Variants in RAB27B observed in about 807,000 individuals in gnomAD.
The protein encoded by RAB27B is ras-related protein Rab-27B.
A neutral mutation model predicts 24.6 loss-of-function variants in RAB27B; 15 were observed. That is an observed-to-expected ratio of 0.61 (90% confidence interval 0.41 to 0.94). RAB27B has a LOEUF of 0.94. RAB27B is among the 40% of genes least tolerant of loss of function. The pLI is 0.00. For missense variants in RAB27B, 261 were observed against 266.8 expected (o/e 0.98, Z 0.15); for synonymous variants, 105 against 92.5 (o/e 1.14, Z -0.78).
At chr18:54,803,487 G>T (rs757801892) in intron 2 of RAB27B, among the ~76,000 whole-genome samples, 32 of 152,200 alleles carry the variant, frequency 2.1e-4, no homozygotes, top group African/African-American at 6.5e-4. Flanking sequence ...TCAGTAGACA[G>T]TAGAGGTTTC....
At chr18:54,750,227 G>A (rs1028750524) in intron 2 of RAB27B, among the ~76,000 whole-genome samples, 4 of 152,000 alleles carry the variant, frequency 2.6e-5, no homozygotes, top group African/African-American at 4.8e-5. Flanking sequence ...ATGATCCAGC[G>A]CTAGAATATT....
intron 1 of RAB27B, among the ~76,000 whole-genome samples, chr18:54,832,841 A>G (rs908922209): frequency 2.6e-5 from 4 of 152,162 alleles, no homozygotes; most frequent in Non-Finnish European, 1.5e-5. Flanking sequence ...GTGTGGAATC[A>G]TTGGCAGCTC....
intron 2 of RAB27B, among the ~76,000 whole-genome samples, chr18:54,782,849 A>C (rs1908957865): frequency 6.6e-6 from 1 of 152,240 alleles, no homozygotes; most frequent in African/African-American, 2.4e-5. Flanking sequence ...TGAAGATGTA[A>C]ACATAAAGTA....
rs573920072 is a variant in RAB27B, at chr18:54,735,434, C to T, written c.-20+17293C>T. ...AAATTTATCTGGGACAGAGCTGTGC[C>T]TATCTAGACGATGCATGGGTGACCA... On this transcript the variant is annotated intron_variant, in intron 2 of 4. Transcript: ENST00000586570. Among the ~76,000 whole-genome samples, 3 of 152,306 alleles carry T rather than the reference C, an allele frequency of 2.0e-5. No individual in the cohort carries two copies. The East Asian group carries it at 5.8e-4, about 29-fold the overall frequency.
At chr18:54,737,863 C>T (rs1007997935) in intron 2 of RAB27B, among the ~76,000 whole-genome samples, 3 of 152,156 alleles carry the variant, frequency 2.0e-5, no homozygotes, top group African/African-American at 7.2e-5. Flanking sequence ...ATAATATGTT[C>T]AACTTTTATC....
chr18:54,866,887 T>C (rs570540632), intron 1 of RAB27B, among the ~76,000 whole-genome samples: 2 of 152,182 alleles, frequency 1.3e-5, no homozygotes, highest in Admixed American at 1.3e-4. Context: ...GGGAAACAAG[T>C]TCAAAGGTTT....
chr18:54,823,981 T>TTTGAC (rs3060014), upstream of RAB27B, among the ~76,000 whole-genome samples: 12 of 151,944 alleles, frequency 7.9e-5, no homozygotes, highest in African/African-American at 2.9e-4. Flanking sequence ...TTAGCAGCTT[T>TTTGAC]TGTACTTTTA....
At chr18:54,767,826 A>G (rs112226732) in intron 2 of RAB27B, among the ~76,000 whole-genome samples, 3 of 152,184 alleles carry the variant, frequency 2.0e-5, no homozygotes, top group African/African-American at 2.4e-5. Flanking sequence ...TGTGGACTCA[A>G]TGAAGTCAGC....
At chr18:54,851,362 T>G (rs577731740) in intron 1 of RAB27B, among the ~76,000 whole-genome samples, 9 of 152,326 alleles carry the variant, frequency 5.9e-5, no homozygotes, top group African/African-American at 1.9e-4. Flanking sequence ...TAGAAACATA[T>G]TTTTCCTCCT....
intron 2 of RAB27B, among the ~76,000 whole-genome samples, chr18:54,806,493 G>T (rs900726818): frequency 6.8e-6 from 1 of 146,464 alleles, no homozygotes; most frequent in African/African-American, 2.5e-5. Flanking sequence ...TAAATAAATG[G>T]ATAAAGAAAT....
At chr18:54,838,194 G>A (rs915452017) in intron 1 of RAB27B, among the ~76,000 whole-genome samples, 12 of 152,068 alleles carry the variant, frequency 7.9e-5, no homozygotes, top group African/African-American at 2.4e-4. Context: ...ATAACAAAAT[G>A]TATCTTGATG....
intron 2 of RAB27B, among the ~76,000 whole-genome samples, chr18:54,805,305 G>A (rs985317582): frequency 6.6e-6 from 1 of 152,172 alleles, no homozygotes; most frequent in African/African-American, 2.4e-5. Context: ...CCGTGGGAAA[G>A]GCTATGCTAG....
chr18:54,803,270 C>T (rs978748042), intron 2 of RAB27B, among the ~76,000 whole-genome samples: 2 of 152,058 alleles, frequency 1.3e-5, no homozygotes, highest in African/African-American at 2.4e-5. Context: ...TGACTTTGAG[C>T]AGAATTGGGA....
intron 1 of RAB27B, among the ~76,000 whole-genome samples, chr18:54,847,680 TAAAC>T (rs1911392552): frequency 6.6e-6 from 1 of 152,150 alleles, no homozygotes; most frequent in Non-Finnish European, 1.5e-5. Flanking sequence ...AAATAGTGAG[TAAAC>T]AAACGTTCAG....
At chr18:54,835,823 T>C (rs1910872489) in intron 1 of RAB27B, among the ~76,000 whole-genome samples, 1 of 152,000 alleles carries the variant, frequency 6.6e-6, no homozygotes, top group South Asian at 2.1e-4. Context: ...GAAATTGGCC[T>C]ATACAATCTC....
intron 1 of RAB27B, among the ~76,000 whole-genome samples, chr18:54,873,454 C>T (rs1912557975): frequency 6.6e-6 from 1 of 152,148 alleles, no homozygotes; most frequent in Admixed American, 6.5e-5. Flanking sequence ...GAACCAAGAA[C>T]CAGCAAGACC....
rs1484079996 is a variant in RAB27B, at chr18:54,798,015, TA to T, written c.-19-79551del. Among the ~76,000 whole-genome samples, 34 of 152,294 alleles carry T rather than the reference TA, an allele frequency of 2.2e-4. 1 individual carries two copies. The highest frequency in any genetic ancestry group is 1.9e-3 in the South Asian group (9 of 4,824). On this transcript the variant is annotated intron_variant, in intron 2 of 4. Transcript: ENST00000586570. ...TTGATTCGGATAAGTTGAATATTGA[TA>T]TTTTTTTTTCAAAACTCCTTAGGTG...
At chr18:54,784,539 C>A (rs1215299389) in intron 2 of RAB27B, among the ~76,000 whole-genome samples, 1 of 152,088 alleles carries the variant, frequency 6.6e-6, no homozygotes, top group Non-Finnish European at 1.5e-5. Flanking sequence ...TGTTTAACTC[C>A]CGCTTGTAAG....
chr18:54,878,485 A>G (rs1912794252), intron 2 of RAB27B, among the ~76,000 whole-genome samples: 1 of 152,196 alleles, frequency 6.6e-6, no homozygotes, highest in Non-Finnish European at 1.5e-5. Flanking sequence ...AACAAAAGAA[A>G]TGGTAACTGG....
Sources: gnomAD v4.1 joint callset for allele counts (sites outside exome capture counted in the v4.1 genomes callset) on GRCh38, gnomAD v4.1.1 for gene constraint, MANE v1.5 for transcripts, NCBI Gene and HGNC (gene_info 2026-07-23, HGNC 2026-07-21) for gene names.